The following COA1 variants were observed in gnomAD, a reference collection of about 807,000 sequenced individuals.
COA1 encodes cytochrome c oxidase assembly factor 1, also known as cytochrome c oxidase assembly factor 1 homolog.
A neutral mutation model predicts 16.0 loss-of-function variants in COA1; 13 were observed. That is an observed-to-expected ratio of 0.81 (90% CI 0.53 to 1.29). COA1 has a LOEUF of 1.29. Ranked by LOEUF, COA1 falls within the 50% of genes most tolerant of loss-of-function variation. The pLI is 0.00. For missense variants in COA1, 179 were observed against 177.0 expected (o/e 1.01, Z -0.06); for synonymous variants, 65 against 65.7 (o/e 0.99, Z 0.05).
At chr7:43,680,165 A>G (rs1443695203) in intron 1 of COA1, among the ~76,000 whole-genome samples, 1 of 152,060 alleles carries the variant, frequency 6.6e-6, no homozygotes, top group Non-Finnish European at 1.5e-5. Flanking sequence ...TACCCTTGAT[A>G]AGGATATTTA....
chr7:43,679,264 C>CAA (rs10618048), intron 1 of COA1, among the ~76,000 whole-genome samples: 6 of 84,094 alleles, frequency 7.1e-5, no homozygotes, highest in South Asian at 9.0e-4. Context: ...AACTCCATTG[C>CAA]AAAAAAAAAA....
At chr7:43,642,594 G>A (rs983162379) in intron 4 of COA1, among the ~76,000 whole-genome samples, 1 of 152,184 alleles carries the variant, frequency 6.6e-6, no homozygotes, top group East Asian at 1.9e-4. Flanking sequence ...AAAAAGGAAG[G>A]AGAAAGAAAT....
intron 1 of COA1, among the ~76,000 whole-genome samples, chr7:43,690,182 A>C (rs992735683): frequency 1.3e-5 from 2 of 152,178 alleles, no homozygotes; most frequent in Non-Finnish European, 2.9e-5. Context: ...ACCACTATGA[A>C]AAACAGTGTG....
chr7:43,666,560 T>C (rs2092904832), intron 1 of COA1, among the ~76,000 whole-genome samples: 1 of 152,252 alleles, frequency 6.6e-6, no homozygotes, highest in Non-Finnish European at 1.5e-5. Context: ...TTAAATATTT[T>C]TTAGTTCACA....
At chr7:43,611,084 T>C (rs2082834130) in intron 6 of COA1, among the ~76,000 whole-genome samples, 1 of 152,216 alleles carries the variant, frequency 6.6e-6, no homozygotes, top group South Asian at 2.1e-4. Flanking sequence ...GCCACTGCAC[T>C]CCAGCCTGGC....
chr7:43,701,007 TTTTTG>T (rs769880743), intron 1 of COA1, among the ~76,000 whole-genome samples: 22,361 of 152,230 alleles, frequency 0.15, 2,190 homozygotes, highest in Non-Finnish European at 0.21. Context: ...AACCAAAAAG[TTTTTG>T]TTAAAACTTA....
intron 1 of COA1, among the ~76,000 whole-genome samples, chr7:43,715,878 A>C (rs2095381645): frequency 6.6e-6 from 1 of 152,304 alleles, no homozygotes; most frequent in South Asian, 2.1e-4. Context: ...TAATCGAATC[A>C]TGGGGGCAGT....
chr7:43,617,421 G>A (rs2083454195), intron 6 of COA1, among the ~76,000 whole-genome samples: 1 of 152,234 alleles, frequency 6.6e-6, no homozygotes, highest in Non-Finnish European at 1.5e-5. Context: ...AATAGGCAAA[G>A]TCTAGAAATG....
At chr7:43,630,874 C>T (rs1269840615) in intron 6 of COA1, among the ~76,000 whole-genome samples, 1 of 152,090 alleles carries the variant, frequency 6.6e-6, no homozygotes, top group Non-Finnish European at 1.5e-5. Context: ...ATGTAGAAAA[C>T]TCTCTTGCCC....
chr7:43,644,764 A>ATAGAT (rs1563228896), intron 4 of COA1, among the ~76,000 whole-genome samples: 1,614 of 74,638 alleles, frequency 0.022, 39 homozygotes, highest in Non-Finnish European at 0.031. Context: ...ATAGATAGGC[A>ATAGAT]GGCAGGCAGG....
intron 6 of COA1, among the ~76,000 whole-genome samples, chr7:43,629,693 G>GT (rs1240625170): frequency 5.3e-5 from 8 of 152,138 alleles, no homozygotes; most frequent in African/African-American, 1.9e-4. Context: ...GAAATTTATA[G>GT]TAACAAAATT....
chr7:43,623,533 T>A, intron 6 of COA1: 1 of 1,579,722 alleles, frequency 6.3e-7, no homozygotes, highest in East Asian at 2.2e-5. Flanking sequence ...GGAATTTTTT[T>A]CCACAAAACT....
At chr7:43,621,630 G>A (rs1169128981) in intron 6 of COA1, among the ~76,000 whole-genome samples, 2 of 152,104 alleles carry the variant, frequency 1.3e-5, no homozygotes, top group Non-Finnish European at 2.9e-5. Flanking sequence ...AGCACAGCGG[G>A]CCAGTTTTTT....
intron 6 of COA1, among the ~76,000 whole-genome samples, chr7:43,616,538 G>A (rs569605519): frequency 2.0e-5 from 3 of 152,186 alleles, no homozygotes; most frequent in South Asian, 2.1e-4. Context: ...ATAAACCTAC[G>A]GGCATTTTCA....
chr7:43,710,109 G>A (rs2095165852), intron 1 of COA1, among the ~76,000 whole-genome samples: 1 of 151,838 alleles, frequency 6.6e-6, no homozygotes, highest in African/African-American at 2.4e-5. Context: ...CAGCACTTTG[G>A]GAGGCTGAGG....
At chr7:43,636,549 C>T (rs1034702336), downstream of COA1, among the ~76,000 whole-genome samples, 21 of 152,194 alleles carry the variant, frequency 1.4e-4, no homozygotes, top group African/African-American at 4.1e-4. Context: ...TCAGAACTGC[C>T]GCTTCTTGAG....
At chr7:43,660,550 A>C (rs1197944212) in intron 1 of COA1, among the ~76,000 whole-genome samples, 1 of 152,200 alleles carries the variant, frequency 6.6e-6, no homozygotes, top group Non-Finnish European at 1.5e-5. Flanking sequence ...GTAAGTGAAG[A>C]AGCTGAGATT....
intron 1 of COA1, among the ~76,000 whole-genome samples, chr7:43,721,670 G>A (rs975909698): frequency 1.3e-5 from 2 of 152,092 alleles, no homozygotes; most frequent in African/African-American, 4.8e-5. Flanking sequence ...TAGCACTAGG[G>A]AGTTTTTGAG....
chr7:43,654,685 T>C (rs184413113), intron 1 of COA1, among the ~76,000 whole-genome samples: 1 of 152,304 alleles, frequency 6.6e-6, no homozygotes, highest in East Asian at 1.9e-4. Context: ...AACAGATCAT[T>C]GCTTCTGATG....
Sources: gnomAD v4.1 joint callset for allele counts (sites outside exome capture counted in the v4.1 genomes callset) on GRCh38, gnomAD v4.1.1 for gene constraint, MANE v1.5 for transcripts, NCBI Gene and HGNC (gene_info 2026-07-23, HGNC 2026-07-21) for gene names.